PEAK1: variants seen among roughly 807,000 people sequenced by gnomAD.
PEAK1 encodes the protein pseudopodium enriched atypical kinase 1, also known as inactive tyrosine-protein kinase PEAK1.
PEAK1 carries 54 observed loss-of-function variants against 124.7 expected under a neutral mutation model. That is an observed-to-expected ratio of 0.43 (90% CI 0.35 to 0.54). The LOEUF is 0.54. Ranked by LOEUF, PEAK1 falls within the 20% of genes least tolerant of loss-of-function variation. PEAK1 has a pLI of 0.01. For synonymous variants in PEAK1, 719 were observed against 760.0 expected (o/e 0.95, Z 0.89); for missense variants, 2,046 against 2,134.5 (o/e 0.96, Z 0.82).
chr15:77,159,830 T>C (rs1482779138), intron 7 of PEAK1, among the ~76,000 whole-genome samples: 3 of 152,210 alleles, frequency 2.0e-5, no homozygotes, highest in Admixed American at 1.3e-4. Flanking sequence ...TACCCTCTTA[T>C]CAATTTTTCA....
At chr15:77,157,521 T>C (rs1288969628) in intron 8 of PEAK1, 3 of 152,290 alleles carry the variant, frequency 2.0e-5, no homozygotes, top group Non-Finnish European at 2.9e-5. Context: ...ATCTTTGCAT[T>C]GGCAGGCACC....
chr15:77,384,815 C>T (rs951024536), intron 1 of PEAK1, among the ~76,000 whole-genome samples: 1 of 152,144 alleles, frequency 6.6e-6, no homozygotes, highest in Non-Finnish European at 1.5e-5. Context: ...AATAGTCACA[C>T]CCATTTGGTT....
chr15:77,290,908 C>T (rs2063178427), intron 2 of PEAK1, among the ~76,000 whole-genome samples: 1 of 152,188 alleles, frequency 6.6e-6, no homozygotes, highest in East Asian at 1.9e-4. Flanking sequence ...ATAAATCAGC[C>T]ACCCCAAACT....
chr15:77,130,671 G>C (rs948169162), intron 9 of PEAK1, among the ~76,000 whole-genome samples: 14 of 152,172 alleles, frequency 9.2e-5, no homozygotes, highest in African/African-American at 3.1e-4. Context: ...CCAGTGAATA[G>C]AATCAGTAAA....
At chr15:77,254,149 A>G (rs1351478904) in intron 5 of PEAK1, among the ~76,000 whole-genome samples, 9 of 152,038 alleles carry the variant, frequency 5.9e-5, no homozygotes, top group Non-Finnish European at 1.0e-4. Flanking sequence ...TGCGACTATT[A>G]TATGTCTAGA....
Position 77,114,704 on chromosome 15 carries a change from G to A in PEAK1, c.4693C>T (p.Leu1565=), listed in dbSNP as rs2051199241. Reference sequence around the variant, plus strand: ...TCCCGGAGGATCTCGGGGTCCACCAGATGGCTCTTCTGCTTGGCCTGAGAG... The same window carrying A: ...TCCCGGAGGATCTCGGGGTCCACCAAATGGCTCTTCTGCTTGGCCTGAGAG... The part of the protein sequence containing the change: ...NFSQAKQKSH[L]VDPEILRDQS... The change falls in exon 10 of 10, where the codon CTG becomes TTG. Residue 1565 remains leucine, a synonymous_variant. Transcript: ENST00000682557. 6.2e-7 allele frequency: 1 copy of A among 1,613,630 alleles called. No homozygotes were observed. The highest frequency in any genetic ancestry group is 1.1e-5 in the South Asian group (1 of 91,050).
chr15:77,313,459 T>TTTTA (rs559943376), intron 2 of PEAK1, among the ~76,000 whole-genome samples: 405 of 151,944 alleles, frequency 2.7e-3, no homozygotes, highest in African/African-American at 9.6e-3. Flanking sequence ...CTTCCTTTTA[T>TTTTA]TTTATTTATT....
intron 2 of PEAK1, chr15:77,352,840 C>T (rs1372018159): frequency 2.0e-6 from 2 of 985,102 alleles, no homozygotes; most frequent in Admixed American, 6.2e-5. Context: ...GTGTTCATAA[C>T]AGCTTTGTTA....
rs560465867 is a variant in PEAK1 at position 77,264,874 on chromosome 15, C to T, written c.-274-12348G>A. 2.6e-5 allele frequency among the ~76,000 whole-genome samples: 4 copies of T among 151,868 alleles called. No homozygotes were observed. In the South Asian group the frequency reaches 8.3e-4, roughly 32 times the overall value. The stretch of plus-strand genomic sequence containing the variant: ...AAACTATACTACAAGGCTACAGTAA[C>T]CAAAACAGCATGGTACTGGTACCAA... On this transcript the variant is annotated intron_variant, in intron 5 of 9. Coordinates refer to ENST00000682557, the MANE Select transcript of PEAK1 (RefSeq NM_001385026.1).
chr15:77,158,862 A>G (rs1373526789), intron 7 of PEAK1, among the ~76,000 whole-genome samples, 166 bp from the exon 8 acceptor site: 2 of 152,314 alleles, frequency 1.3e-5, no homozygotes, highest in South Asian at 2.1e-4. Flanking sequence ...ACTTCTATTT[A>G]CCTTGATTCA....
chr15:77,354,931 C>T (rs904182816), intron 2 of PEAK1, among the ~76,000 whole-genome samples: 24 of 151,400 alleles, frequency 1.6e-4, no homozygotes, highest in East Asian at 2.0e-4. Context: ...CCCAGCTACT[C>T]GGGAGGCTGA....
intron 2 of PEAK1, among the ~76,000 whole-genome samples, chr15:77,294,441 A>G (rs538571029): frequency 6.6e-6 from 1 of 152,216 alleles, no homozygotes; most frequent in Admixed American, 6.5e-5. Context: ...GTAAAGATTC[A>G]GAAAGAACAT....
chr15:77,258,636 T>C (rs2061289657), intron 5 of PEAK1, among the ~76,000 whole-genome samples: 1 of 152,124 alleles, frequency 6.6e-6, no homozygotes, highest in Admixed American at 6.5e-5. Flanking sequence ...GCTGAGACAA[T>C]GGGGTTTCTA....
intron 8 of PEAK1, among the ~76,000 whole-genome samples, chr15:77,151,491 C>T (rs1004261920): frequency 4.6e-5 from 7 of 152,276 alleles, no homozygotes; most frequent in Admixed American, 2.6e-4. Context: ...GTTTCTTTTG[C>T]TGTGCAGAAG....
At chr15:77,248,316 C>T (rs577613919) in intron 6 of PEAK1, among the ~76,000 whole-genome samples, 1 of 152,118 alleles carries the variant, frequency 6.6e-6, no homozygotes, top group African/African-American at 2.4e-5. Flanking sequence ...GAATGATATC[C>T]TCATATATAA....
chr15:77,109,870 C>T lies in PEAK1; in HGVS notation c.*4286G>A, dbSNP rs2050885497. ...CAAGAATGTTCATACTATATTTACA[C>T]ATCTAGAATCATTTGAAATATAGTG... On this transcript the variant is annotated 3_prime_UTR_variant, in exon 10 of 10. Coordinates refer to ENST00000682557, the MANE Select transcript of PEAK1 (RefSeq NM_001385026.1). 6.6e-6 allele frequency: 1 copy of T among 152,200 alleles called. No individual in the cohort carries two copies. The allele number at this position is 152,200 out of a possible 1,614,324, so 9.4% of individuals were successfully genotyped here. A position where few individuals can be genotyped will look rare whatever the true frequency, so the allele number is the denominator to read the frequency against.
At position 77,181,428 on chromosome 15, in the gene PEAK1, C is replaced by T; in HGVS notation, c.499G>A (p.Gly167Arg). The T allele has an allele frequency of 6.2e-7, 1 of 1,614,064 alleles. No homozygotes were observed. The highest frequency in any genetic ancestry group is 8.5e-7 in the Non-Finnish European group (1 of 1,179,996). Reference protein sequence around the residue: ...AGLDTAPQIRGNETNSRETFL... With the variant: ...AGLDTAPQIRRNETNSRETFL... ...GTTTCTCTGGAGTTTGTTTCATTTC[C>T]TCTTATCTGAGGGGCAGTATCCAAG... Residue 167 changes from glycine (G) to arginine (R), a missense_variant, in exon 7 of 10, where the codon GGA (glycine) becomes AGA (arginine). Coordinates refer to ENST00000682557, the MANE Select transcript of PEAK1 (RefSeq NM_001385026.1).
intron 1 of PEAK1, among the ~76,000 whole-genome samples, chr15:77,393,575 T>C (rs1428970805): frequency 6.6e-6 from 1 of 152,288 alleles, no homozygotes; most frequent in East Asian, 1.9e-4. Context: ...CCTGGCAGGA[T>C]GCATCATCTG....
chr15:77,226,044 GATATAT>G (rs1157824212), intron 6 of PEAK1, among the ~76,000 whole-genome samples: 788 of 44,922 alleles, frequency 0.018, 16 homozygotes, highest in Admixed American at 0.054. Context: ...AAAATAAAGG[GATATAT>G]ATATATATAT....
Sources: gnomAD v4.1 joint callset for allele counts (sites outside exome capture counted in the v4.1 genomes callset) on GRCh38, gnomAD v4.1.1 for gene constraint, MANE v1.5 for transcripts, NCBI Gene and HGNC (gene_info 2026-07-23, HGNC 2026-07-21) for gene names.